TMEM263: variants seen among roughly 807,000 people sequenced by gnomAD.
TMEM263 encodes transmembrane protein 263, also known as UPF0444 transmembrane protein C12orf23.
In TMEM263, 5 loss-of-function variants were observed where a neutral mutation model predicts 8.6. That is an observed-to-expected ratio of 0.58 (90% CI 0.31 to 1.23). The LOEUF (loss-of-function observed/expected upper bound fraction) is 1.23, where lower values mean the gene tolerates loss of function less well. TMEM263 is among the 50% of genes most tolerant of loss of function. The probability of loss-of-function intolerance (pLI) is 0.07; values close to 1 mark genes in which losing one functional copy is unlikely to be tolerated. For synonymous variants in TMEM263, 50 were observed against 47.9 expected (o/e 1.04, Z -0.18); for missense variants, 104 against 138.8 (o/e 0.75, Z 1.26).
chr12:106,961,210 A>G (rs1430014066), intron 2 of TMEM263, among the ~76,000 whole-genome samples: 3 of 120,910 alleles, frequency 2.5e-5, no homozygotes, highest in East Asian at 5.0e-4. Context: ...GGCGTGCACC[A>G]CCGTGCCCAG....
In TMEM263 at chr12:106,967,184, A is replaced by C. The variant is rs769383135; in HGVS notation, c.64+4A>C. The C allele has an allele frequency of 1.9e-6, 3 of 1,549,614 alleles. No homozygotes were observed. In the South Asian group the frequency reaches 3.5e-5, roughly 18 times the overall value. On this transcript the variant is annotated splice_donor_region_variant and intron_variant, in intron 3 of 3. Transcript: ENST00000280756. ...CTTAATGATGAACCACCAGAAGGTA[A>C]GTATGCATCTGTAACACTAAGAATG...
intron 2 of TMEM263, among the ~76,000 whole-genome samples, chr12:106,964,855 C>T (rs1951823323): frequency 6.6e-6 from 1 of 152,198 alleles, no homozygotes; most frequent in Non-Finnish European, 1.5e-5. Context: ...GCCTCTACCA[C>T]CCTCATCCAA....
intron 2 of TMEM263, chr12:106,966,808 A>AGT (rs747753632): frequency 2.6e-5 from 7 of 271,702 alleles, no homozygotes; most frequent in Non-Finnish European, 4.8e-5. Context: ...GCTCTCTTTC[A>AGT]GTGAGTAATT....
chr12:106,966,608 C>G (rs948210221), intron 2 of TMEM263, among the ~76,000 whole-genome samples: 5 of 152,166 alleles, frequency 3.3e-5, no homozygotes, highest in African/African-American at 4.8e-5. Flanking sequence ...TATAAGCATT[C>G]TTTTTTCTGC....
intron 2 of TMEM263, among the ~76,000 whole-genome samples, chr12:106,960,340 T>G (rs1016730503): frequency 6.8e-6 from 1 of 146,886 alleles, no homozygotes; most frequent in Non-Finnish European, 1.5e-5. Flanking sequence ...CGGCCCTTGT[T>G]TTTTTTTTTT....
intron 2 of TMEM263, among the ~76,000 whole-genome samples, chr12:106,966,471 T>C (rs1951849513): frequency 6.6e-6 from 1 of 152,242 alleles, no homozygotes; most frequent in Non-Finnish European, 1.5e-5. Flanking sequence ...GGTAGAATGA[T>C]TTATATTCCT....
At position 106,973,625 on chromosome 12, in the gene TMEM263, T is replaced by C. The variant is rs1951958528; in HGVS notation, c.*2234T>C. Reference sequence around the variant, plus strand: ...ATGTACAGTTAGTTATAGAGGTTCTTGTTGAAATGAACTTACCATCTGATG... The same window carrying C: ...ATGTACAGTTAGTTATAGAGGTTCTCGTTGAAATGAACTTACCATCTGATG... On this transcript the variant is annotated 3_prime_UTR_variant, in exon 4 of 4. Coordinates refer to ENST00000280756, the MANE Select transcript of TMEM263 (RefSeq NM_152261.4). 1 of 152,420 alleles carries C rather than the reference T, an allele frequency of 6.6e-6. No homozygotes were observed. Among genetic ancestry groups the C allele is most frequent in the Non-Finnish European group, 1.5e-5 (1 of 68,014 alleles). 9.4% of individuals were successfully genotyped at this position (152,420 alleles called of 1,614,324 possible).
chr12:106,967,176 A>G lies in TMEM263; in HGVS notation c.60A>G (p.Pro20=). 6.3e-7 allele frequency: 1 copy of G among 1,582,970 alleles called. No individual in the cohort carries two copies. Among genetic ancestry groups the G allele is most frequent in the Non-Finnish European group, 8.6e-7 (1 of 1,157,324 alleles). The part of the protein sequence containing the change: ...EIPSYLNDEP[P]EGSMKDHPQQ... ...CATCATACCTTAATGATGAACCACC[A>G]GAAGGTAAGTATGCATCTGTAACAC... Residue 20 remains proline, a synonymous_variant, in exon 3 of 4, where the codon CCA becomes CCG. Transcript: ENST00000280756.
In TMEM263 at chr12:106,968,269, G is replaced by A. The variant is rs532631749; in HGVS notation, c.64+1089G>A. Among the ~76,000 whole-genome samples, 18 of 152,120 alleles carry A rather than the reference G, an allele frequency of 1.2e-4. No homozygotes were observed. In the South Asian group the frequency reaches 2.9e-3, roughly 25 times the overall value. On this transcript the variant is annotated intron_variant, in intron 3 of 3. Transcript: ENST00000280756. ...AATTGCTAGGAAAATAGCAACAAAGGGTTTACACTTAAGCCATAAAGAATT... is the reference window on the plus strand; with the variant it reads ...AATTGCTAGGAAAATAGCAACAAAGAGTTTACACTTAAGCCATAAAGAATT...
rs958278718 is a variant in TMEM263 at position 106,956,022 on chromosome 12, C to T, written c.-118C>T. ...CAGCTCTCCTCTGCGCCGGCCCGCT[C>T]ACTCCGCCCGGCCCCAGCCCTAGCG... On this transcript the variant is annotated 5_prime_UTR_variant, in exon 1 of 4. Coordinates refer to ENST00000280756, the MANE Select transcript of TMEM263 (RefSeq NM_152261.4). The T allele has an allele frequency of 1.0e-6, 1 of 985,868 alleles. No individual in the cohort carries two copies. Among genetic ancestry groups the T allele is most frequent in the Non-Finnish European group, 1.2e-6 (1 of 830,322 alleles). 61.1% of individuals were successfully genotyped at this position (985,868 alleles called of 1,614,324 possible). A position where few individuals can be genotyped will look rare whatever the true frequency, so the allele number is the denominator to read the frequency against.
chr12:106,956,554 C>T (rs1951694774), intron 1 of TMEM263, among the ~76,000 whole-genome samples: 1 of 152,168 alleles, frequency 6.6e-6, no homozygotes, highest in African/African-American at 2.4e-5. Flanking sequence ...GCTGTATCTC[C>T]ACGCCTAACC....
chr12:106,959,819 GAC>G (rs1951745868), intron 2 of TMEM263, among the ~76,000 whole-genome samples: 1 of 152,138 alleles, frequency 6.6e-6, no homozygotes, highest in Non-Finnish European at 1.5e-5. Flanking sequence ...AAGTACAGAT[GAC>G]ACAGTTAAGG....
rs185904432 is a variant in TMEM263, at chr12:106,973,553, A to G, written c.*2162A>G. On this transcript the variant is annotated 3_prime_UTR_variant, in exon 4 of 4. Transcript: ENST00000280756. Reference sequence around the variant, plus strand: ...AGGATTGTTTTAAATTCTAAACTATAAGTTTGTTCAGAGGGGCTTTTGCAA... The same window carrying G: ...AGGATTGTTTTAAATTCTAAACTATGAGTTTGTTCAGAGGGGCTTTTGCAA... The G allele has an allele frequency of 1.2e-4, 19 of 152,686 alleles. No homozygotes were observed. Among genetic ancestry groups the G allele is most frequent in the African/African-American group, 4.6e-4 (19 of 41,590 alleles). The allele number at this position is 152,686 out of a possible 1,614,324, so 9.5% of individuals were successfully genotyped here.
Position 106,972,116 on chromosome 12 carries a change from A to C in TMEM263, c.*725A>C, listed in dbSNP as rs1400726591. On this transcript the variant is annotated 3_prime_UTR_variant, in exon 4 of 4. Transcript: ENST00000280756. ...TTAGAATCTCAGGAGTAGTGGGGTAAAGACATTTCCTGCTGTCAGTGGATA... is the reference window on the plus strand; with the variant it reads ...TTAGAATCTCAGGAGTAGTGGGGTACAGACATTTCCTGCTGTCAGTGGATA... The C allele has an allele frequency of 6.6e-6, 1 of 152,598 alleles. No individual in the cohort carries two copies. Among genetic ancestry groups the C allele is most frequent in the African/African-American group, 2.4e-5 (1 of 41,442 alleles). The allele number at this position is 152,598 out of a possible 1,614,324, so 9.5% of individuals were successfully genotyped here. A position where few individuals can be genotyped will look rare whatever the true frequency, so the allele number is the denominator to read the frequency against.
At chr12:106,966,850 CAT>C (rs1951854006) in intron 2 of TMEM263, 1 of 347,798 alleles carries the variant, frequency 2.9e-6, no homozygotes. Flanking sequence ...ACAGTAACAA[CAT>C]AGGAAAACTT....
rs1165061284 is a variant in TMEM263 at position 106,973,103 on chromosome 12, CCTTT to C, written c.*1715_*1718del. ...AAGCAAATCTACAAAGGTTCTTGAA[CCTTT>C]CTATTATATACAAAACTGAAAAGTC... On this transcript the variant is annotated 3_prime_UTR_variant, in exon 4 of 4. Coordinates refer to ENST00000280756, the MANE Select transcript of TMEM263 (RefSeq NM_152261.4). The C allele has an allele frequency of 6.6e-6, 1 of 151,930 alleles. No homozygotes were observed. The highest frequency in any genetic ancestry group is 1.5e-5 in the Non-Finnish European group (1 of 67,926). The allele number at this position is 151,930 out of a possible 1,614,324, so 9.4% of individuals were successfully genotyped here.
intron 3 of TMEM263, among the ~76,000 whole-genome samples, chr12:106,968,029 T>C (rs1378339383): frequency 3.3e-5 from 5 of 152,200 alleles, no homozygotes; most frequent in Non-Finnish European, 7.3e-5. Flanking sequence ...GAAACACACC[T>C]GAATGTCCTG....
chr12:106,956,678 C>T (rs938255888), intron 1 of TMEM263: 2 of 152,418 alleles, frequency 1.3e-5, no homozygotes, highest in Non-Finnish European at 2.9e-5. Flanking sequence ...ACTGCCTGCT[C>T]TGCACACGCA....
intron 3 of TMEM263, chr12:106,967,399 CA>C: frequency 2.7e-6 from 1 of 369,466 alleles, no homozygotes; most frequent in Non-Finnish European, 4.8e-6. Context: ...GCTGGGATTA[CA>C]GGTACCTGCC....
Sources: allele counts gnomAD v4.1 joint callset (sites outside exome capture counted in the v4.1 genomes callset), GRCh38; gene constraint gnomAD v4.1.1; transcripts MANE v1.5; gene names NCBI Gene and HGNC (gene_info 2026-07-23, HGNC 2026-07-21).